Variants in MIER1 observed in about 807,000 individuals in gnomAD.
MIER1 encodes MIER1 transcriptional regulator, also known as mesoderm induction early response protein 1.
MIER1 carries 40 observed loss-of-function variants against 75.7 expected under a neutral mutation model. The ratio of observed to expected loss-of-function variants is 0.53; its 90% confidence interval spans 0.41 to 0.69. The LOEUF is 0.69. MIER1 is among the 30% of genes least tolerant of loss of function. The pLI, the probability that MIER1 is intolerant of heterozygous loss-of-function variation, is 0.00. For missense variants in MIER1, 574 were observed against 680.2 expected, an observed-to-expected ratio of 0.84 and a Z score of 1.74; for synonymous variants, 213 against 223.4, an observed-to-expected ratio of 0.95 and a Z score of 0.42.
chr1:66,953,596 CT>C (rs56012776), intron 4 of MIER1, among the ~76,000 whole-genome samples: 3,492 of 134,510 alleles, frequency 0.026, 43 homozygotes, highest in Non-Finnish European at 0.039. Flanking sequence ...TTTTCTTTTC[CT>C]TTTTTTTTTT....
At chr1:66,966,939 A>G (rs537869272) in intron 8 of MIER1, among the ~76,000 whole-genome samples, 75 of 152,262 alleles carry the variant, frequency 4.9e-4, no homozygotes, top group Admixed American at 2.4e-3. Flanking sequence ...GTAGTTTGCA[A>G]ATATTTTCTC....
chr1:66,930,176 T>C, intron 2 of MIER1: 19 of 1,303,592 alleles, frequency 1.5e-5, no homozygotes, highest in Non-Finnish European at 1.8e-5. Flanking sequence ...CGCTGGTCTT[T>C]TCCCTCCAGT....
chr1:66,938,648 C>G (rs962777662), intron 2 of MIER1, among the ~76,000 whole-genome samples: 3 of 152,044 alleles, frequency 2.0e-5, no homozygotes, highest in African/African-American at 7.2e-5. Flanking sequence ...GTCATGTCAC[C>G]CTACTCTCCA....
At chr1:66,961,426 A>T (rs1195600258) in intron 7 of MIER1, among the ~76,000 whole-genome samples, 4 of 152,200 alleles carry the variant, frequency 2.6e-5, no homozygotes, top group African/African-American at 9.6e-5. Flanking sequence ...TTAAAGGAAA[A>T]TTGCATATAT....
chr1:66,930,297 A>G, intron 2 of MIER1: 3 of 1,560,608 alleles, frequency 1.9e-6, no homozygotes, highest in Non-Finnish European at 2.6e-6. Flanking sequence ...CAGAGACGGC[A>G]GCGGCCGGAG....
chr1:66,938,221 A>G (rs1158904746), intron 2 of MIER1, among the ~76,000 whole-genome samples: 1 of 152,222 alleles, frequency 6.6e-6, no homozygotes, highest in Non-Finnish European at 1.5e-5. Context: ...GAGGCCTTTT[A>G]CAAACTGAAA....
intron 9 of MIER1, 25 bp from the exon 10 acceptor site, chr1:66,971,630 A>G: frequency 1.7e-6 from 2 of 1,166,266 alleles, no homozygotes; most frequent in Non-Finnish European, 2.5e-6. Flanking sequence ...TCCTTGTCAC[A>G]TATTCAAGCC....
chr1:66,972,863 A>G, intron 10 of MIER1, 34 bp from the exon 11 acceptor site: 1 of 1,116,222 alleles, frequency 9.0e-7, no homozygotes, highest in South Asian at 1.3e-5. Flanking sequence ...TTGGGGGAAT[A>G]TTGCTTAACA....
At chr1:66,948,100 C>CA in intron 4 of MIER1, 1 of 927,696 alleles carries the variant, frequency 1.1e-6, no homozygotes. Flanking sequence ...TCTGTACCTC[C>CA]ACTGGTTTTG....
intron 2 of MIER1, among the ~76,000 whole-genome samples, chr1:66,934,438 C>G (rs1360248759): frequency 7.3e-6 from 1 of 136,788 alleles, no homozygotes; most frequent in Non-Finnish European, 1.5e-5. Context: ...GGGTCTCTCT[C>G]TGTTGCCCAG....
At chr1:66,973,063 T>C (rs1387456921) in intron 11 of MIER1, 72 bp downstream of exon 11, 2 of 790,758 alleles carry the variant, frequency 2.5e-6, no homozygotes, top group Non-Finnish European at 4.3e-6. Flanking sequence ...GTATCGTAAT[T>C]TGTTATATTG....
chr1:66,926,185 GA>G lies in MIER1; in HGVS notation c.112del (p.Thr38ArgfsTer3), dbSNP rs1651727377. 1 of 1,613,848 alleles carries G rather than the reference GA, an allele frequency of 6.2e-7. No individual in the cohort carries two copies. Among genetic ancestry groups the G allele is most frequent in the Admixed American group, 1.7e-5 (1 of 60,004 alleles). ...RFSQCLAEFR[T>X]WLRTNWLRFN... ...TCTCCCAGTGCCTGGCTGAGTTTCG[GA>G]CGTGGTTAAGAACCAACTGGTTGAG... On this transcript the variant is annotated frameshift_variant, in exon 2 of 14. Transcript: ENST00000401041. LOFTEE classifies it high-confidence loss of function.
Position 66,986,508 on chromosome 1 carries a change from T to C in MIER1, c.*1608T>C. 1 of 1,439,342 alleles carries C rather than the reference T, an allele frequency of 6.9e-7. No individual in the cohort carries two copies. The highest frequency in any genetic ancestry group is 9.7e-7 in the Non-Finnish European group (1 of 1,030,420). 89.2% of individuals were successfully genotyped at this position (1,439,342 alleles called of 1,614,324 possible). On this transcript the variant is annotated 3_prime_UTR_variant, in exon 14 of 14. Transcript: ENST00000401041. ...GGTCTTGTTTTTAATGGCTCAACTG[T>C]CTGATGTAATTGAGTGAAGGTTTGC...
chr1:66,963,219 C>T lies in MIER1; in HGVS notation c.772+59C>T, dbSNP rs189126096. 2.1e-4 allele frequency: 226 copies of T among 1,061,436 alleles called. No individual in the cohort carries two copies. In the African/African-American group the frequency reaches 3.1e-3, roughly 15 times the overall value. 65.8% of individuals were successfully genotyped at this position (1,061,436 alleles called of 1,614,324 possible). On this transcript the variant is annotated intron_variant, in intron 8 of 13. Coordinates refer to ENST00000401041, the MANE Select transcript of MIER1 (RefSeq NM_001077700.3). ...ATGCTTTCAGTGTAATGAACTGTTA[C>T]TTTATATGTAAAATGTGATAAGAAC...
chr1:66,981,113 G>T (rs1311126621), intron 12 of MIER1, among the ~76,000 whole-genome samples: 2 of 152,072 alleles, frequency 1.3e-5, no homozygotes. Context: ...TCTACATTTT[G>T]TAGGTGATAC....
At chr1:66,972,048 C>T (rs1316089318) in intron 10 of MIER1, among the ~76,000 whole-genome samples, 2 of 141,380 alleles carry the variant, frequency 1.4e-5, no homozygotes, top group Non-Finnish European at 3.2e-5. Flanking sequence ...GGTAGTATGA[C>T]AGATAATACC....
At chr1:66,928,167 T>TTTTATTATTTTATTTTATTATTATTTA (rs1652268793) in intron 2 of MIER1, among the ~76,000 whole-genome samples, 1 of 151,952 alleles carries the variant, frequency 6.6e-6, no homozygotes, top group African/African-American at 2.4e-5. Context: ...TTTCCCTCAA[T>TTTTATTATTTTATTTTATTATTATTTA]AATAATAATA....
Position 66,958,856 on chromosome 1 carries a change from G to C in MIER1, c.507G>C (p.Glu169Asp), listed in dbSNP as rs752065793. The C allele has an allele frequency of 1.2e-6, 2 of 1,605,050 alleles. No homozygotes were observed. Among genetic ancestry groups the C allele is most frequent in the South Asian group, 2.2e-5 (2 of 89,706 alleles). ...NSGCSGENKEENIKDSSGQED... is the reference protein window; with the variant it reads ...NSGCSGENKEDNIKDSSGQED... ...TTTAATTTATTATTCCACAGGAGGA[G>C]AATATAAAGGATTCATCAGGTCAGG... The change falls in exon 6 of 14, where the codon GAG becomes GAC. Residue 169 changes from glutamate (E) to aspartate (D), a missense_variant. By Grantham distance (45) the Glu-to-Asp change is conservative. This residue lies in a region of MIER1 where 309 missense variants were observed against 352.8 expected (regional missense o/e 0.88). Coordinates refer to ENST00000401041, the MANE Select transcript of MIER1 (RefSeq NM_001077700.3).
intron 8 of MIER1, among the ~76,000 whole-genome samples, chr1:66,968,717 T>C (rs1327506825): frequency 6.6e-6 from 1 of 152,258 alleles, no homozygotes; most frequent in Non-Finnish European, 1.5e-5. Context: ...TTTGGACTTG[T>C]ATCTGTTTTG....
Sources: allele counts gnomAD v4.1 joint callset (sites outside exome capture counted in the v4.1 genomes callset), GRCh38; gene constraint gnomAD v4.1.1; regional missense constraint gnomAD v4.1.1; transcripts MANE v1.5; gene names NCBI Gene and HGNC (gene_info 2026-07-23, HGNC 2026-07-21).